The following DCK variants were observed in gnomAD, a reference collection of about 807,000 sequenced individuals.
The protein encoded by DCK is deoxyadenosine kinase.
DCK carries 23 observed loss-of-function variants against 38.3 expected under a neutral mutation model. That is an observed-to-expected ratio of 0.60 (90% confidence interval 0.43 to 0.85). The LOEUF (loss-of-function observed/expected upper bound fraction) is 0.85, where lower values mean the gene tolerates loss of function less well. DCK is among the 40% of genes least tolerant of loss of function. The probability of loss-of-function intolerance (pLI) is 0.00; values close to 1 mark genes in which losing one functional copy is unlikely to be tolerated. For missense variants in DCK, 259 were observed against 304.4 expected, an observed-to-expected ratio of 0.85 and a Z score of 1.11; for synonymous variants, 108 against 100.6, an observed-to-expected ratio of 1.07 and a Z score of -0.44.
rs767957001 is a variant in DCK at position 71,023,548 on chromosome 4, C to T, written c.402-11C>T. On this transcript the variant is annotated splice_polypyrimidine_tract_variant and intron_variant, in intron 3 of 6. Coordinates refer to ENST00000286648, the MANE Select transcript of DCK (RefSeq NM_000788.3). ...GAAATGATACATGTGTTGATGAAGACTCTCTTTTAGGTATATTTTTGCATC... is the reference window on the plus strand; with the variant it reads ...GAAATGATACATGTGTTGATGAAGATTCTCTTTTAGGTATATTTTTGCATC... 6.0e-6 allele frequency: 9 copies of T among 1,511,700 alleles called. No homozygotes were observed. The highest frequency in any genetic ancestry group is 8.1e-6 in the Non-Finnish European group (9 of 1,112,308). 93.6% of individuals were successfully genotyped at this position (1,511,700 alleles called of 1,614,324 possible).
At chr4:71,010,436 G>T (rs1208583780) in intron 2 of DCK, among the ~76,000 whole-genome samples, 5 of 150,670 alleles carry the variant, frequency 3.3e-5, no homozygotes, top group African/African-American at 1.2e-4. Flanking sequence ...TGATTTAATT[G>T]TTTCCTTTTA....
chr4:70,998,295 T>C (rs1739704894), intron 2 of DCK, 113 bp downstream of exon 2: 2 of 527,290 alleles, frequency 3.8e-6, no homozygotes, highest in Non-Finnish European at 6.7e-6. Context: ...GCTTTAGGTA[T>C]ATATCTTCAT....
chr4:71,029,263 A>T, intron 6 of DCK, 89 bp from the exon 7 acceptor site: 1 of 779,222 alleles, frequency 1.3e-6, no homozygotes, highest in Non-Finnish European at 2.0e-6. Flanking sequence ...GGGGTCTTCA[A>T]CTATTATATA....
intron 2 of DCK, among the ~76,000 whole-genome samples, chr4:71,010,160 T>C (rs1467351551): frequency 7.2e-6 from 1 of 139,844 alleles, no homozygotes; most frequent in Non-Finnish European, 1.5e-5. Context: ...GCTTTTGCTG[T>C]TTTAGCTTTT....
intron 2 of DCK, among the ~76,000 whole-genome samples, chr4:70,998,605 T>G (rs1739711373): frequency 6.6e-6 from 1 of 152,084 alleles, no homozygotes; most frequent in East Asian, 1.9e-4. Flanking sequence ...ATTCTTGAGG[T>G]TACTGAGGGG....
chr4:71,018,165 C>G (rs1448331782), intron 2 of DCK, among the ~76,000 whole-genome samples: 11 of 123,334 alleles, frequency 8.9e-5, no homozygotes, highest in Non-Finnish European at 1.7e-4. Flanking sequence ...CTCGCTCTGT[C>G]TCCCAGGCTG....
At position 71,016,389 on chromosome 4, in the gene DCK, C is replaced by T. The variant is rs1460178179; in HGVS notation, c.208-5978C>T. Among the ~76,000 whole-genome samples the T allele has an allele frequency of 3.9e-5, 6 of 152,182 alleles. No individual in the cohort carries two copies. The East Asian group carries it at 9.6e-4, about 24-fold the overall frequency. ...TAATTTATAGATTCAATGCCATCCCCATCAAGCTACCAATGACTTTCTTCA... is the reference window on the plus strand; with the variant it reads ...TAATTTATAGATTCAATGCCATCCCTATCAAGCTACCAATGACTTTCTTCA... On this transcript the variant is annotated intron_variant, in intron 2 of 6. Coordinates refer to ENST00000286648, the MANE Select transcript of DCK (RefSeq NM_000788.3).
At chr4:71,005,683 CTAGA>C (rs935914278) in intron 2 of DCK, among the ~76,000 whole-genome samples, 1 of 151,420 alleles carries the variant, frequency 6.6e-6, no homozygotes, top group African/African-American at 2.4e-5. Flanking sequence ...ATTTTTTTTA[CTAGA>C]GATGGGGTTT....
chr4:71,014,330 A>G, intron 2 of DCK, among the ~76,000 whole-genome samples: 1 of 152,212 alleles, frequency 6.6e-6, no homozygotes, highest in Admixed American at 6.5e-5. Context: ...GGAGACTTTA[A>G]CACCCCACTG....
At position 71,029,546 on chromosome 4, in the gene DCK, G is replaced by T; in HGVS notation, c.*168G>T. 3 of 561,042 alleles carry T rather than the reference G, an allele frequency of 5.3e-6. No homozygotes were observed. The highest frequency in any genetic ancestry group is 9.6e-6 in the Non-Finnish European group (3 of 313,360). The allele number at this position is 561,042 out of a possible 1,614,324, so 34.8% of individuals were successfully genotyped here. ...AATCTTATGCAAAACTTTTTGACCA[G>T]TTTCTTTTCTTTTGTTTTTTTTTTA... On this transcript the variant is annotated 3_prime_UTR_variant, in exon 7 of 7. Coordinates refer to ENST00000286648, the MANE Select transcript of DCK (RefSeq NM_000788.3).
chr4:71,013,557 T>G (rs937432963), intron 2 of DCK, among the ~76,000 whole-genome samples: 2 of 152,160 alleles, frequency 1.3e-5, no homozygotes, highest in Non-Finnish European at 2.9e-5. Context: ...TAACAGTGGA[T>G]CTCGCGGCAG....
intron 1 of DCK, among the ~76,000 whole-genome samples, chr4:70,995,158 A>T (rs1410877136): frequency 6.6e-6 from 1 of 152,192 alleles, no homozygotes; most frequent in South Asian, 2.1e-4. Flanking sequence ...CAGTAGAAAG[A>T]CCATATGATA....
In DCK at chr4:71,010,243, G is replaced by A. The variant is rs1740052516; in HGVS notation, c.207+12061G>A. Among the ~76,000 whole-genome samples, 3 of 149,704 alleles carry A rather than the reference G, an allele frequency of 2.0e-5. No individual in the cohort carries two copies. In the South Asian group the frequency reaches 6.3e-4, roughly 31 times the overall value. ...TATTGATAAGGTACTCCTAATTTTG[G>A]CAAAATAGTAAGAGGCAAAGCACCA... On this transcript the variant is annotated intron_variant, in intron 2 of 6. Coordinates refer to ENST00000286648, the MANE Select transcript of DCK (RefSeq NM_000788.3).
At chr4:71,004,445 C>T (rs1387489925) in intron 2 of DCK, among the ~76,000 whole-genome samples, 1 of 152,204 alleles carries the variant, frequency 6.6e-6, no homozygotes, top group Non-Finnish European at 1.5e-5. Flanking sequence ...GTCATGGACC[C>T]ACTTGAGGAT....
rs1156956995 is a variant in DCK at position 71,000,859 on chromosome 4, A to G, written c.207+2677A>G. Among the ~76,000 whole-genome samples the G allele has an allele frequency of 2.6e-5, 4 of 152,172 alleles. No homozygotes were observed. In the East Asian group the frequency reaches 5.8e-4, roughly 22 times the overall value. On this transcript the variant is annotated intron_variant, in intron 2 of 6. Transcript: ENST00000286648. ...ATAGGAATGCTTGTGATTTTTGCCCATTGATTTTGTATCCTGAGACTTTAC... is the reference window on the plus strand; with the variant it reads ...ATAGGAATGCTTGTGATTTTTGCCCGTTGATTTTGTATCCTGAGACTTTAC...
intron 2 of DCK, among the ~76,000 whole-genome samples, chr4:71,013,223 G>T (rs1337024418): frequency 1.3e-5 from 2 of 152,206 alleles, no homozygotes; most frequent in Admixed American, 1.3e-4. Context: ...AGAGTAAAAA[G>T]AAATGAACAA....
intron 2 of DCK, among the ~76,000 whole-genome samples, chr4:71,000,531 A>C (rs1021463017): frequency 6.6e-6 from 1 of 152,156 alleles, no homozygotes; most frequent in African/African-American, 2.4e-5. Flanking sequence ...TATGAAATTT[A>C]AGGTAGTTTT....
Position 71,029,516 on chromosome 4 carries a change from A to G in DCK, c.*138A>G. ...TTGTTTTAAGGAAAAAAGATTTTTA[A>G]AATGAATCTTATGCAAAACTTTTTG... On this transcript the variant is annotated 3_prime_UTR_variant, in exon 7 of 7. Coordinates refer to ENST00000286648, the MANE Select transcript of DCK (RefSeq NM_000788.3). 4.5e-6 allele frequency: 3 copies of G among 667,698 alleles called. No individual in the cohort carries two copies. The highest frequency in any genetic ancestry group is 3.6e-5 in the South Asian group (2 of 54,994). 41.4% of individuals were successfully genotyped at this position (667,698 alleles called of 1,614,324 possible).
At chr4:71,024,376 A>T (rs982980898) in intron 4 of DCK, among the ~76,000 whole-genome samples, 2 of 152,182 alleles carry the variant, frequency 1.3e-5, no homozygotes, top group Non-Finnish European at 2.9e-5. Context: ...GGATGACCAA[A>T]TAGATGCCTT....
Sources: gnomAD v4.1 joint callset for allele counts (sites outside exome capture counted in the v4.1 genomes callset) on GRCh38, gnomAD v4.1.1 for gene constraint, MANE v1.5 for transcripts, NCBI Gene and HGNC (gene_info 2026-07-23, HGNC 2026-07-21) for gene names.